Variants in PIP4K2A observed in about 807,000 individuals in gnomAD.
PIP4K2A encodes phosphatidylinositol-5-phosphate 4-kinase type 2 alpha.
Under a neutral mutation model 42.9 loss-of-function variants are expected in PIP4K2A, and 14 were observed. The ratio of observed to expected loss-of-function variants is 0.33; its 90% CI spans 0.22 to 0.51. The LOEUF (loss-of-function observed/expected upper bound fraction) is 0.51. Among genes scored for constraint, PIP4K2A ranks in the 20% least tolerant of loss-of-function variants. The pLI, the probability that PIP4K2A is intolerant of heterozygous loss-of-function variation, is 0.97. For missense variants in PIP4K2A, 434 were observed against 519.8 expected (o/e 0.83, Z 1.61); for synonymous variants, 192 against 192.2 (o/e 1.00, Z 0.01).
intron 8 of PIP4K2A, among the ~76,000 whole-genome samples, chr10:22,540,457 C>T (rs1321215712): frequency 6.6e-6 from 1 of 151,532 alleles, no homozygotes; most frequent in Non-Finnish European, 1.5e-5. Context: ...TAAAACAGAA[C>T]TAATTATGTA....
At chr10:22,700,340 A>G (rs1833690795) in intron 1 of PIP4K2A, among the ~76,000 whole-genome samples, 1 of 152,264 alleles carries the variant, frequency 6.6e-6, no homozygotes, top group Admixed American at 6.5e-5. Flanking sequence ...AAGACTGCAC[A>G]ACGGTGCATT....
chr10:22,614,430 T>C (rs1191975094), intron 1 of PIP4K2A, among the ~76,000 whole-genome samples: 2 of 152,246 alleles, frequency 1.3e-5, no homozygotes, highest in Non-Finnish European at 2.9e-5. Flanking sequence ...AGCTACTTTA[T>C]GGCTACTTTA....
rs143050454 is a variant in PIP4K2A, at chr10:22,699,816, C to T, written c.144+14367G>A. Among the ~76,000 whole-genome samples, 546 of 152,226 alleles carry T rather than the reference C, an allele frequency of 3.6e-3. 2 individuals are homozygous for T. Among genetic ancestry groups the T allele is most frequent in the African/African-American group, 0.013 (525 of 41,528 alleles). The stretch of plus-strand genomic sequence containing the variant: ...AAAATTTCTAAGTTCTACATAGACA[C>T]TAAAATCCAGATTTTAGGCAGACCA... On this transcript the variant is annotated intron_variant, in intron 1 of 9. Coordinates refer to ENST00000376573, the MANE Select transcript of PIP4K2A (RefSeq NM_005028.5).
At chr10:22,660,787 G>A (rs941054712) in intron 1 of PIP4K2A, among the ~76,000 whole-genome samples, 1 of 150,196 alleles carries the variant, frequency 6.7e-6, no homozygotes. Flanking sequence ...CATACTTCTA[G>A]AACTCAAGAA....
intron 1 of PIP4K2A, among the ~76,000 whole-genome samples, chr10:22,685,976 C>T (rs1839756332): frequency 6.6e-6 from 1 of 152,134 alleles, no homozygotes; most frequent in Admixed American, 6.6e-5. Flanking sequence ...AGATTCAATG[C>T]CACGCCATCC....
intron 1 of PIP4K2A, among the ~76,000 whole-genome samples, chr10:22,674,954 C>G (rs1250546216): frequency 6.6e-6 from 1 of 151,346 alleles, no homozygotes; most frequent in Non-Finnish European, 1.5e-5. Context: ...CAAAACAAGA[C>G]CGTAGGATTC....
intron 1 of PIP4K2A, among the ~76,000 whole-genome samples, chr10:22,670,834 T>G (rs1014646791): frequency 1.9e-4 from 29 of 152,162 alleles, no homozygotes; most frequent in African/African-American, 6.5e-4. Flanking sequence ...GTAACGTAAT[T>G]CTAGCTTTTT....
intron 3 of PIP4K2A, among the ~76,000 whole-genome samples, chr10:22,595,451 G>A (rs1837612510): frequency 6.6e-6 from 1 of 152,128 alleles, no homozygotes; most frequent in Non-Finnish European, 1.5e-5. Flanking sequence ...CTTCTTCCAA[G>A]GCATGCAGCA....
intron 9 of PIP4K2A, among the ~76,000 whole-genome samples, chr10:22,537,552 C>CA (rs1476461549): frequency 2.0e-5 from 3 of 151,970 alleles, no homozygotes; most frequent in South Asian, 2.1e-4. Flanking sequence ...TTGCAACTCA[C>CA]AAAAAAATCA....
At chr10:22,641,032 A>G (rs1838774260) in intron 1 of PIP4K2A, among the ~76,000 whole-genome samples, 1 of 152,254 alleles carries the variant, frequency 6.6e-6, no homozygotes, top group South Asian at 2.1e-4. Flanking sequence ...AAGCCTTATC[A>G]GCTCAACAAA....
intron 1 of PIP4K2A, among the ~76,000 whole-genome samples, chr10:22,640,536 G>C (rs1256650199): frequency 6.6e-6 from 1 of 152,200 alleles, no homozygotes; most frequent in African/African-American, 2.4e-5. Context: ...AGGGCTCCGG[G>C]AGTGGATTAT....
In PIP4K2A at chr10:22,541,898, TG is replaced by T. The variant is rs755454854; in HGVS notation, c.941del (p.Pro314GlnfsTer8). On this transcript the variant is annotated frameshift_variant, in exon 8 of 10. Coordinates refer to ENST00000376573, the MANE Select transcript of PIP4K2A (RefSeq NM_005028.5). LOFTEE classifies it high-confidence loss of function. Reference protein sequence around the residue: ...SDGTHPVGTPPDSPGNTLNSS... With the variant: ...SDGTHPVGTPXDSPGNTLNSS... ...TGTTCAGTGTATTCCCGGGGCTATC[TG>T]GGGGGGTTCCCACCGGGTGGGTGCC... is the stretch of plus-strand genomic sequence containing the variant. 5 of 1,613,704 alleles carry T rather than the reference TG, an allele frequency of 3.1e-6. No individual in the cohort carries two copies. Among genetic ancestry groups the T allele is most frequent in the Non-Finnish European group, 4.2e-6 (5 of 1,179,814 alleles).
At chr10:22,584,961 G>C (rs139356920) in intron 4 of PIP4K2A, among the ~76,000 whole-genome samples, 1 of 152,094 alleles carries the variant, frequency 6.6e-6, no homozygotes, top group Non-Finnish European at 1.5e-5. Context: ...GTCACTCACC[G>C]GGGGCACATG....
At chr10:22,583,475 C>A (rs1305944601) in intron 4 of PIP4K2A, among the ~76,000 whole-genome samples, 1 of 152,120 alleles carries the variant, frequency 6.6e-6, no homozygotes. Context: ...GAGCTGGGAT[C>A]CAAGCCAAGG....
rs141086687 is a variant in PIP4K2A at position 22,707,335 on chromosome 10, T to A, written c.144+6848A>T. On this transcript the variant is annotated intron_variant, in intron 1 of 9. Coordinates refer to ENST00000376573, the MANE Select transcript of PIP4K2A (RefSeq NM_005028.5). ...CGAACAAGGACTCCAGAGCTCTTAA[T>A]CACTGTGCCCAGGTAGCTGAAAAAC... Among the ~76,000 whole-genome samples, 586 of 152,338 alleles carry A rather than the reference T, an allele frequency of 3.8e-3. 7 individuals carry two copies. The highest frequency in any genetic ancestry group is 0.013 in the African/African-American group (550 of 41,586).
intron 7 of PIP4K2A, among the ~76,000 whole-genome samples, chr10:22,547,214 C>T (rs1049502660): frequency 1.3e-5 from 2 of 152,196 alleles, no homozygotes; most frequent in Non-Finnish European, 2.9e-5. Context: ...AATTAAAATG[C>T]CAGTCAGCCC....
intron 3 of PIP4K2A, among the ~76,000 whole-genome samples, chr10:22,594,389 A>G (rs1216619477): frequency 2.0e-5 from 3 of 152,154 alleles, no homozygotes; most frequent in Non-Finnish European, 4.4e-5. Context: ...AGGACAATGT[A>G]CAGGGTTTTT....
chr10:22,611,921 C>A (rs985059624), intron 1 of PIP4K2A, among the ~76,000 whole-genome samples: 1 of 152,170 alleles, frequency 6.6e-6, no homozygotes, highest in Non-Finnish European at 1.5e-5. Flanking sequence ...TTTAAATGCG[C>A]GTGATGTGTT....
intron 2 of PIP4K2A, among the ~76,000 whole-genome samples, chr10:22,609,036 C>T (rs1177926085): frequency 1.3e-5 from 2 of 152,172 alleles, no homozygotes; most frequent in Non-Finnish European, 2.9e-5. Flanking sequence ...TGAACTATAG[C>T]AGTTTGTATA....
Sources: allele counts gnomAD v4.1 joint callset (sites outside exome capture counted in the v4.1 genomes callset), GRCh38; gene constraint gnomAD v4.1.1; transcripts MANE v1.5; gene names NCBI Gene and HGNC (gene_info 2026-07-23, HGNC 2026-07-21).